SIPA1L2: variants seen among roughly 807,000 people sequenced by gnomAD.
The protein encoded by SIPA1L2 is signal induced proliferation associated 1 like 2.
SIPA1L2 carries 56 observed loss-of-function variants against 163.9 expected under a neutral mutation model. The observed-to-expected ratio is 0.34, with a 90% CI of 0.28 to 0.43. The LOEUF is 0.43. Ranked by LOEUF, SIPA1L2 falls within the 20% of genes least tolerant of loss-of-function variation. SIPA1L2 has a pLI of 1.00. For missense variants in SIPA1L2, 1,974 were observed against 2,193.5 expected, an observed-to-expected ratio of 0.90 and a Z score of 2.00; for synonymous variants, 877 against 865.7, an observed-to-expected ratio of 1.01 and a Z score of -0.23.
intron 10 of SIPA1L2, among the ~76,000 whole-genome samples, chr1:232,460,630 A>C (rs1180322682): frequency 1.3e-5 from 2 of 152,128 alleles, no homozygotes; most frequent in Non-Finnish European, 2.9e-5. Flanking sequence ...AGAATAGCTC[A>C]GCTTTAATGT....
intron 9 of SIPA1L2, among the ~76,000 whole-genome samples, chr1:232,461,875 G>C (rs1664254906): frequency 6.6e-6 from 1 of 152,154 alleles, no homozygotes; most frequent in African/African-American, 2.4e-5. Flanking sequence ...CCTGAGTGGT[G>C]AGGACCACTC....
At chr1:232,522,338 T>A (rs1169712213) in intron 2 of SIPA1L2, among the ~76,000 whole-genome samples, 1 of 152,132 alleles carries the variant, frequency 6.6e-6, no homozygotes, top group Non-Finnish European at 1.5e-5. Context: ...CATGTTCTTA[T>A]CCTTTGTACA....
intron 2 of SIPA1L2, among the ~76,000 whole-genome samples, chr1:232,547,522 G>A (rs144185062): frequency 8.7e-6 from 1 of 114,418 alleles, no homozygotes; most frequent in Non-Finnish European, 1.6e-5. Context: ...CAGAGCCATC[G>A]TTTTCACAGT....
intron 3 of SIPA1L2, among the ~76,000 whole-genome samples, chr1:232,494,364 G>A (rs1156700874): frequency 6.6e-6 from 1 of 152,136 alleles, no homozygotes; most frequent in Admixed American, 6.5e-5. Context: ...GGCACCTGAG[G>A]CCATACTGTC....
chr1:232,576,041 A>G (rs1489984720), intron 1 of SIPA1L2, among the ~76,000 whole-genome samples: 1 of 152,196 alleles, frequency 6.6e-6, no homozygotes, highest in African/African-American at 2.4e-5. Context: ...ATGGGGTTAA[A>G]TAGATACAGA....
chr1:232,519,888 A>C (rs553820267), intron 2 of SIPA1L2, among the ~76,000 whole-genome samples: 1 of 152,324 alleles, frequency 6.6e-6, no homozygotes, highest in Admixed American at 6.5e-5. Context: ...CATACTTCTA[A>C]GCTGGTACAG....
intron 6 of SIPA1L2, among the ~76,000 whole-genome samples, chr1:232,482,634 G>A (rs963358490): frequency 1.3e-5 from 2 of 152,176 alleles, no homozygotes; most frequent in African/African-American, 4.8e-5. Flanking sequence ...CATCGCAGAG[G>A]CTTGTGAACT....
intron 1 of SIPA1L2, among the ~76,000 whole-genome samples, chr1:232,600,087 G>T (rs1661514182): frequency 6.6e-6 from 1 of 152,224 alleles, no homozygotes; most frequent in African/African-American, 2.4e-5. Flanking sequence ...CCTTGGTCCT[G>T]AACTGGCTCT....
chr1:232,575,192 G>C (rs1326097055), intron 1 of SIPA1L2, among the ~76,000 whole-genome samples: 1 of 152,114 alleles, frequency 6.6e-6, no homozygotes, highest in Non-Finnish European at 1.5e-5. Flanking sequence ...ATATAAACAT[G>C]GGTTTATGAA....
At chr1:232,570,147 A>G (rs957476908) in intron 2 of SIPA1L2, among the ~76,000 whole-genome samples, 5 of 152,232 alleles carry the variant, frequency 3.3e-5, no homozygotes, top group Admixed American at 1.3e-4. Flanking sequence ...GGAAAATTCT[A>G]TTCATCTTTG....
chr1:232,432,759 T>TTTGAA (rs1168237076), intron 15 of SIPA1L2, among the ~76,000 whole-genome samples: 1 of 152,184 alleles, frequency 6.6e-6, no homozygotes, highest in Admixed American at 6.5e-5. Context: ...AACTGATTCT[T>TTTGAA]CAAAAGAGAA....
intron 1 of SIPA1L2, among the ~76,000 whole-genome samples, chr1:232,613,699 T>C (rs376101544): frequency 3.3e-4 from 3 of 9,088 alleles, no homozygotes; most frequent in African/African-American, 1.8e-3. Context: ...GAACAAAATT[T>C]ATGTGTGTGC....
chr1:232,540,623 AAGAT>A (rs1366079012), intron 2 of SIPA1L2, among the ~76,000 whole-genome samples: 1 of 152,106 alleles, frequency 6.6e-6, no homozygotes, highest in Non-Finnish European at 1.5e-5. Flanking sequence ...GGACGGCAGA[AAGAT>A]AGAATGGAAG....
intron 5 of SIPA1L2, among the ~76,000 whole-genome samples, chr1:232,487,239 T>A (rs1342566901): frequency 6.6e-6 from 1 of 152,182 alleles, no homozygotes; most frequent in Non-Finnish European, 1.5e-5. Flanking sequence ...GCTTTGTTAT[T>A]ATTGACAAGA....
At chr1:232,533,818 C>A (rs1230840401) in intron 2 of SIPA1L2, among the ~76,000 whole-genome samples, 1 of 152,136 alleles carries the variant, frequency 6.6e-6, no homozygotes, top group Non-Finnish European at 1.5e-5. Flanking sequence ...AGTTAAGCAG[C>A]AGAGCAAGAA....
At chr1:232,447,474 T>C (rs1024210896) in intron 10 of SIPA1L2, among the ~76,000 whole-genome samples, 1 of 152,240 alleles carries the variant, frequency 6.6e-6, no homozygotes, top group African/African-American at 2.4e-5. Flanking sequence ...GTGCAAAGGA[T>C]GGCAAGCCAT....
chr1:232,465,054 T>C lies in SIPA1L2; in HGVS notation c.2606A>G (p.Asp869Gly). The C allele has an allele frequency of 1.2e-6, 2 of 1,614,214 alleles. No homozygotes were observed. The highest frequency in any genetic ancestry group is 1.6e-4 in the Middle Eastern group (1 of 6,062). Residue 869 changes from aspartate to glycine, a missense_variant, in exon 9 of 23, where the codon GAC becomes GGC. Transcript: ENST00000674635. This position sits in a 1 kb window ranked among gnomAD's most constrained non-coding sequence, Gnocchi z 4.1. The stretch of plus-strand genomic sequence containing the variant: ...GGAGATCCCGAGAAGACATTCAATG[T>C]CAGCAGACTGGCCGAAGTCCCGGGC... ...VIARDFGQSA[D>G]IECLLGISNE...
Position 232,629,939 on chromosome 1 carries a change from C to T in SIPA1L2, c.-389G>A, listed in dbSNP as rs1407023152. Among the ~76,000 whole-genome samples the T allele has an allele frequency of 2.0e-5, 3 of 150,728 alleles. No individual in the cohort carries two copies. Among genetic ancestry groups the T allele is most frequent in the African/African-American group, 7.3e-5 (3 of 41,298 alleles). On this transcript the variant is annotated 5_prime_UTR_variant, in exon 1 of 23. Transcript: ENST00000674635. The stretch of plus-strand genomic sequence containing the variant: ...GGGCGGCGCGTACCCGGGCTGCCGC[C>T]TCGCCGCCCGCCGCTGCCCGGGGCT...
intron 2 of SIPA1L2, among the ~76,000 whole-genome samples, chr1:232,544,850 C>T (rs907997633): frequency 2.6e-5 from 4 of 152,132 alleles, no homozygotes; most frequent in East Asian, 1.9e-4. Context: ...AAAAAAGCTC[C>T]GAAAGCAGAT....
Sources: allele counts gnomAD v4.1 joint callset (sites outside exome capture counted in the v4.1 genomes callset), GRCh38; gene constraint gnomAD v4.1.1; non-coding constraint Gnocchi (gnomAD v3.1); transcripts MANE v1.5; gene names NCBI Gene and HGNC (gene_info 2026-07-23, HGNC 2026-07-21).